Variants in ANOS1 observed in about 807,000 individuals in gnomAD.
The protein encoded by ANOS1 is anosmin 1, also known as anosmin-1.
In ANOS1, 6 loss-of-function variants were observed where a neutral mutation model predicts 59.0. The ratio of observed to expected loss-of-function variants is 0.10; its 90% CI spans 0.06 to 0.20. The LOEUF (loss-of-function observed/expected upper bound fraction) is 0.20. Among genes scored for constraint, ANOS1 ranks in the 10% least tolerant of loss-of-function variants. The pLI, the probability that ANOS1 is intolerant of heterozygous loss-of-function variation, is 1.00. For missense variants in ANOS1, 433 were observed against 542.3 expected (o/e 0.80, Z 2.00); for synonymous variants, 217 against 223.4 (o/e 0.97, Z 0.25).
At chrX:8,614,185 A>G (rs1369454774) in intron 3 of ANOS1, among the ~76,000 whole-genome samples, 4 of 111,306 alleles carry the variant, frequency 3.6e-5, no homozygotes, top group Non-Finnish European at 5.7e-5. Context: ...TTTGTGCTCC[A>G]TGTATCTCTG....
chrX:8,550,801 C>G (rs1031443979), intron 9 of ANOS1, among the ~76,000 whole-genome samples: 3 of 109,841 alleles, frequency 2.7e-5, no homozygotes, highest in African/African-American at 9.9e-5. Context: ...GAACACTGAC[C>G]CTCTACAACA....
Position 8,598,509 on chromosome X carries a change from G to A in ANOS1, c.319-1253C>T, listed in dbSNP as rs751514201. Among the ~76,000 whole-genome samples, 162 of 111,594 alleles carry A rather than the reference G, an allele frequency of 1.5e-3. 2 individuals carry two copies. Among genetic ancestry groups the A allele is most frequent in the Middle Eastern group, 9.3e-3 (2 of 215 alleles). The stretch of plus-strand genomic sequence containing the variant: ...TCCCATCCAGGGAAAGAAAGGGAAG[G>A]ATGCTCTCTGTGCTCTTGCTCTCCT... On this transcript the variant is annotated intron_variant, in intron 3 of 13. Coordinates refer to ENST00000262648, the MANE Select transcript of ANOS1 (RefSeq NM_000216.4).
chrX:8,605,214 G>T (rs1012116447), intron 3 of ANOS1, among the ~76,000 whole-genome samples: 1 of 109,380 alleles, frequency 9.1e-6, no homozygotes, highest in African/African-American at 3.3e-5. Flanking sequence ...TCTCAGCATT[G>T]CCCCCTCCCT....
At chrX:8,554,144 T>C (rs1395759525) in intron 8 of ANOS1, 46 bp from the exon 9 acceptor site, 2 of 1,092,896 alleles carry the variant, frequency 1.8e-6, no homozygotes, top group Non-Finnish European at 1.3e-6. Context: ...AAAGTAATTA[T>C]AGATTCCTGG....
chrX:8,686,953 C>CA (rs755082283), intron 2 of ANOS1, among the ~76,000 whole-genome samples: 30 of 109,487 alleles, frequency 2.7e-4, no homozygotes, highest in African/African-American at 8.0e-4. Context: ...GACTTCGTCT[C>CA]AAAAAAAAAT....
At chrX:8,566,213 C>G in intron 8 of ANOS1, 1 of 748,687 alleles carries the variant, frequency 1.3e-6, no homozygotes, top group South Asian at 6.8e-5. Context: ...GTAGTTCTGT[C>G]TGTATGCAAC....
chrX:8,661,793 T>A (rs1932043314), intron 2 of ANOS1, among the ~76,000 whole-genome samples: 1 of 111,477 alleles, frequency 9.0e-6, no homozygotes, highest in Non-Finnish European at 1.9e-5. Flanking sequence ...GCACTGTTAC[T>A]TCTAGGAGCT....
chrX:8,675,618 C>T (rs1206067398), intron 2 of ANOS1, among the ~76,000 whole-genome samples: 1 of 111,342 alleles, frequency 9.0e-6, no homozygotes, highest in Non-Finnish European at 1.9e-5. Flanking sequence ...CTTAATGCTA[C>T]TATCTCAACA....
intron 6 of ANOS1, among the ~76,000 whole-genome samples, chrX:8,583,908 T>C (rs1930466253): frequency 1.8e-5 from 2 of 111,747 alleles, no homozygotes; most frequent in Non-Finnish European, 3.8e-5. Context: ...AGCACCCTCA[T>C]GACCCTGGGG....
intron 2 of ANOS1, among the ~76,000 whole-genome samples, chrX:8,695,359 T>C (rs977139346): frequency 1.8e-5 from 2 of 111,741 alleles, no homozygotes; most frequent in African/African-American, 3.3e-5. Context: ...AGACTGAAAC[T>C]GTGTTTAGAT....
intron 6 of ANOS1, among the ~76,000 whole-genome samples, chrX:8,581,474 A>C (rs777437738): frequency 8.9e-6 from 1 of 111,754 alleles, no homozygotes; most frequent in South Asian, 3.8e-4. Context: ...TTACATTTCC[A>C]TATGTCTCAA....
At chrX:8,577,792 T>A (rs1930355132) in intron 6 of ANOS1, among the ~76,000 whole-genome samples, 1 of 111,918 alleles carries the variant, frequency 8.9e-6, no homozygotes, top group Non-Finnish European at 1.9e-5. Flanking sequence ...CTATGTTGGG[T>A]AAAGTGACAA....
intron 1 of ANOS1, among the ~76,000 whole-genome samples, chrX:8,709,614 T>C (rs1380814800): frequency 8.9e-6 from 1 of 112,019 alleles, no homozygotes; most frequent in Admixed American, 9.5e-5. Flanking sequence ...TATGACATGA[T>C]GCGAATATTT....
intron 11 of ANOS1, among the ~76,000 whole-genome samples, chrX:8,536,531 T>C (rs1300324264): frequency 9.0e-6 from 1 of 111,435 alleles, no homozygotes; most frequent in Admixed American, 9.6e-5. Context: ...ATCTAAATGT[T>C]TGCCTTCATT....
intron 3 of ANOS1, among the ~76,000 whole-genome samples, chrX:8,598,045 A>G (rs904949831): frequency 2.7e-5 from 3 of 111,773 alleles, no homozygotes; most frequent in Non-Finnish European, 5.6e-5. Flanking sequence ...CAATGGTAAC[A>G]TATTTATTGG....
At chrX:8,633,480 C>T (rs1931523389) in intron 2 of ANOS1, among the ~76,000 whole-genome samples, 1 of 111,849 alleles carries the variant, frequency 8.9e-6, no homozygotes, top group South Asian at 3.8e-4. Context: ...ACCTTCTTTG[C>T]ATTCCTATTT....
At chrX:8,690,431 A>C (rs1004725421) in intron 2 of ANOS1, among the ~76,000 whole-genome samples, 1 of 112,280 alleles carries the variant, frequency 8.9e-6, no homozygotes, top group African/African-American at 3.2e-5. Context: ...CAACAGGTCT[A>C]AAGTATCTAA....
intron 3 of ANOS1, among the ~76,000 whole-genome samples, chrX:8,613,392 T>A (rs867141182): frequency 2.8e-4 from 31 of 109,279 alleles, no homozygotes; most frequent in Middle Eastern, 4.7e-3. Context: ...TGATTTTTTT[T>A]ATTTTTTATT....
chrX:8,668,469 T>C (rs1932198835), intron 2 of ANOS1, among the ~76,000 whole-genome samples: 1 of 94,555 alleles, frequency 1.1e-5, no homozygotes, highest in Non-Finnish European at 2.1e-5. Flanking sequence ...TTCCATCATA[T>C]ACATATATGA....
Sources: allele counts gnomAD v4.1 joint callset (sites outside exome capture counted in the v4.1 genomes callset), GRCh38; gene constraint gnomAD v4.1.1; transcripts MANE v1.5; gene names NCBI Gene and HGNC (gene_info 2026-07-23, HGNC 2026-07-21).